OPRM1: variants seen among roughly 807,000 people sequenced by gnomAD.
The protein encoded by OPRM1 is opioid receptor mu 1, also known as mu-type opioid receptor.
OPRM1 carries 27 observed loss-of-function variants against 31.8 expected under a neutral mutation model. The ratio of observed to expected loss-of-function variants is 0.85; its 90% CI spans 0.63 to 1.17. The LOEUF (loss-of-function observed/expected upper bound fraction) is 1.17, where lower values mean the gene tolerates loss of function less well. OPRM1 is among the 50% of genes most tolerant of loss of function. The pLI is 0.00. For synonymous variants in OPRM1, 196 were observed against 189.9 expected, an observed-to-expected ratio of 1.03 and a Z score of -0.26; for missense variants, 536 against 511.1, an observed-to-expected ratio of 1.05 and a Z score of -0.47.
rs1001609415 is a variant in OPRM1 at position 154,199,968 on chromosome 6, T to C, written c.1165-46725T>C. On this transcript the variant is annotated intron_variant, in intron 3 of 3. Coordinates refer to the OPRM1 transcript ENST00000337049. ...GGAAAACTGCTGGGTGTCTTCACTG[T>C]ATTTTCCAGGGAAGAGAAAGAATAC... 1.9e-6 allele frequency: 3 copies of C among 1,613,922 alleles called. No homozygotes were observed. The highest frequency in any genetic ancestry group is 1.7e-5 in the Admixed American group (1 of 60,012).
chr6:154,091,681 A>G, intron 3 of OPRM1: 1 of 1,332,376 alleles, frequency 7.5e-7, no homozygotes, highest in Non-Finnish European at 9.6e-7. Flanking sequence ...GTATAAAGAT[A>G]CACCAATGAG....
intron 1 of OPRM1, among the ~76,000 whole-genome samples, chr6:154,042,165 G>A (rs772684486): frequency 5.3e-5 from 8 of 152,216 alleles, no homozygotes; most frequent in Non-Finnish European, 8.8e-5. Flanking sequence ...TAATCGCAGG[G>A]TTAGGTAACC....
chr6:154,088,037 A>G (rs1791059696), intron 1 of OPRM1, among the ~76,000 whole-genome samples: 1 of 152,178 alleles, frequency 6.6e-6, no homozygotes, highest in African/African-American at 2.4e-5. Context: ...GTTCATTTGT[A>G]ACATCCAAAA....
intron 3 of OPRM1, among the ~76,000 whole-genome samples, chr6:154,142,905 C>T (rs1262792941): frequency 1.3e-5 from 2 of 152,204 alleles, no homozygotes; most frequent in South Asian, 2.1e-4. Flanking sequence ...GCAGCCTCAT[C>T]TGAGGTTCCC....
At position 154,127,660 on chromosome 6, in the gene OPRM1, A is replaced by G. The variant is rs1797671078; in HGVS notation, c.*8939A>G. On this transcript the variant is annotated 3_prime_UTR_variant, in exon 4 of 4. Transcript: ENST00000330432. The stretch of plus-strand genomic sequence containing the variant: ...ACTAAATAACAACTCTCTTCTCTCC[A>G]TCATTTTGACTTAGAGCCAGTCAGA... Among the ~76,000 whole-genome samples the G allele has an allele frequency of 6.6e-6, 1 of 151,998 alleles. No individual in the cohort carries two copies. The highest frequency in any genetic ancestry group is 6.6e-5 in the Admixed American group (1 of 15,244).
intron 1 of OPRM1, among the ~76,000 whole-genome samples, chr6:154,070,868 C>A (rs1415297807): frequency 6.6e-6 from 1 of 152,184 alleles, no homozygotes; most frequent in East Asian, 1.9e-4. Context: ...CAACTTTGCT[C>A]TTAAGATGAG....
chr6:154,231,640 TAAGA>T (rs1337654567), intron 3 of OPRM1, among the ~76,000 whole-genome samples: 1 of 152,114 alleles, frequency 6.6e-6, no homozygotes, highest in Non-Finnish European at 1.5e-5. Context: ...TAATTTTGTG[TAAGA>T]AAGGAGGAAG....
At position 154,128,251 on chromosome 6, in the gene OPRM1, T is replaced by A. The variant is rs905693536; in HGVS notation, c.*9530T>A. ...CCCAGTGATTTGTGTGTTTTCTTAA[T>A]AAACTTTACCCACTTATTAAAAGAA... is the stretch of plus-strand genomic sequence containing the variant. On this transcript the variant is annotated 3_prime_UTR_variant, in exon 4 of 4. Transcript: ENST00000330432. Among the ~76,000 whole-genome samples, 3 of 152,238 alleles carry A rather than the reference T, an allele frequency of 2.0e-5. No individual in the cohort carries two copies. The highest frequency in any genetic ancestry group is 7.2e-5 in the African/African-American group (3 of 41,468).
intron 1 of OPRM1, among the ~76,000 whole-genome samples, chr6:154,026,092 A>G (rs778487695): frequency 6.6e-6 from 1 of 152,126 alleles, no homozygotes; most frequent in Non-Finnish European, 1.5e-5. Flanking sequence ...TACTGATTGA[A>G]GTACTCCCTT....
At position 154,129,885 on chromosome 6, in the gene OPRM1, C is replaced by CACACA. The variant is rs953187724; in HGVS notation, c.*11165_*11166insCACAA. On this transcript the variant is annotated 3_prime_UTR_variant, in exon 4 of 4. Coordinates refer to ENST00000330432, the MANE Select transcript of OPRM1 (RefSeq NM_000914.5). ...ACACACACACACACACACACACACA[C>CACACA]AACATAGTGAAATGGACCCGTGGGA... 7.0e-6 allele frequency among the ~76,000 whole-genome samples: 1 copy of CACACA among 142,612 alleles called. No homozygotes were observed. The highest frequency in any genetic ancestry group is 2.6e-5 in the African/African-American group (1 of 38,364). The allele number at this position is 142,612 out of a possible 152,430, so 93.6% of individuals were successfully genotyped here.
At chr6:154,163,551 A>G (rs976318710) in intron 3 of OPRM1, among the ~76,000 whole-genome samples, 1 of 152,244 alleles carries the variant, frequency 6.6e-6, no homozygotes, top group Admixed American at 6.5e-5. Context: ...CTACTAAAAC[A>G]TAAGCTTCCG....
chr6:154,186,655 C>T (rs925034491), intron 3 of OPRM1, among the ~76,000 whole-genome samples: 6 of 151,974 alleles, frequency 3.9e-5, no homozygotes, highest in East Asian at 1.9e-4. Context: ...CTCCCGGGTT[C>T]GCGCCATTCT....
At chr6:154,052,006 A>G (rs183295602) in intron 1 of OPRM1, among the ~76,000 whole-genome samples, 1 of 152,352 alleles carries the variant, frequency 6.6e-6, no homozygotes. Flanking sequence ...CATAAAAAAG[A>G]ATAAGATCAC....
At chr6:154,140,318 G>A (rs552404773) in intron 3 of OPRM1, among the ~76,000 whole-genome samples, 204 of 147,272 alleles carry the variant, frequency 1.4e-3, no homozygotes, top group African/African-American at 5.0e-3. Flanking sequence ...AAGTTTAGCC[G>A]TTTATGTTAT....
chr6:154,205,224 ACTCAAGATG>A (rs1485331947), intron 3 of OPRM1, among the ~76,000 whole-genome samples: 1 of 151,984 alleles, frequency 6.6e-6, no homozygotes, highest in Admixed American at 6.6e-5. Flanking sequence ...TCAACACAGA[ACTCAAGATG>A]CTCAAGGGAG....
In OPRM1 at chr6:154,018,184, C is replaced by T. The variant is rs557559980; in HGVS notation, c.-1+7166C>T. On this transcript the variant is annotated intron_variant, in intron 1 of 5. Transcript: ENST00000434900. Reference sequence around the variant, plus strand: ...CTGTAATCCCAGCACTTTGGGAGACCGAGGTGGATGGATCACTTGAGGTCA... The same window carrying T: ...CTGTAATCCCAGCACTTTGGGAGACTGAGGTGGATGGATCACTTGAGGTCA... Among the ~76,000 whole-genome samples, 7 of 152,150 alleles carry T rather than the reference C, an allele frequency of 4.6e-5. 1 individual carries two copies. The East Asian group carries it at 1.4e-3, about 29-fold the overall frequency.
chr6:154,170,556 A>G (rs971080735), intron 3 of OPRM1, among the ~76,000 whole-genome samples: 3 of 152,214 alleles, frequency 2.0e-5, no homozygotes, highest in African/African-American at 7.2e-5. Context: ...CATCAGCACA[A>G]CCTCCTTTTT....
chr6:154,153,443 G>T (rs1368277198), intron 3 of OPRM1, among the ~76,000 whole-genome samples: 1 of 152,186 alleles, frequency 6.6e-6, no homozygotes, highest in Non-Finnish European at 1.5e-5. Context: ...CGGCACTTTG[G>T]GAGGCCGAGG....
intron 3 of OPRM1, among the ~76,000 whole-genome samples, chr6:154,164,630 T>G (rs531578244): frequency 1.3e-5 from 2 of 152,230 alleles, no homozygotes; most frequent in East Asian, 3.9e-4. Flanking sequence ...TACTTTCAGT[T>G]TTTACTCCAA....
Sources: allele counts gnomAD v4.1 joint callset (sites outside exome capture counted in the v4.1 genomes callset), GRCh38; gene constraint gnomAD v4.1.1; transcripts MANE v1.5; gene names NCBI Gene and HGNC (gene_info 2026-07-23, HGNC 2026-07-21).